The following JPH3 variants were observed in gnomAD, a reference collection of about 807,000 sequenced individuals.
The protein encoded by JPH3 is junctophilin 3.
A neutral mutation model predicts 59.6 loss-of-function variants in JPH3; 11 were observed. The observed-to-expected ratio is 0.18, with a 90% CI of 0.12 to 0.31. The LOEUF (loss-of-function observed/expected upper bound fraction) is 0.31. Ranked by LOEUF, JPH3 falls within the 10% of genes least tolerant of loss-of-function variation. The pLI is 1.00. For synonymous variants in JPH3, 673 were observed against 483.6 expected (o/e 1.39, Z -5.14); for missense variants, 1,202 against 1,105.7 (o/e 1.09, Z -1.24).
chr16:87,652,019 G>A (rs888449270), intron 2 of JPH3, among the ~76,000 whole-genome samples: 1 of 151,652 alleles, frequency 6.6e-6, no homozygotes, highest in Non-Finnish European at 1.5e-5. Context: ...CTGTTGCCCA[G>A]GCTGGAGTGC....
intron 2 of JPH3, among the ~76,000 whole-genome samples, chr16:87,659,309 G>A (rs1213340884): frequency 3.4e-5 from 5 of 147,820 alleles, no homozygotes; most frequent in Non-Finnish European, 5.9e-5. Flanking sequence ...CCCAGGAGGC[G>A]GAGGTTGCAC....
At chr16:87,636,668 C>T (rs825583) in intron 1 of JPH3, among the ~76,000 whole-genome samples, 151,060 of 152,290 alleles carry the variant, frequency 0.99, 74,934 homozygotes, top group Middle Eastern at 1. Context: ...CCTTTTCTTA[C>T]TGATATCAGT....
intron 2 of JPH3, among the ~76,000 whole-genome samples, chr16:87,664,551 G>C (rs1237292731): frequency 6.6e-6 from 1 of 152,082 alleles, no homozygotes; most frequent in Non-Finnish European, 1.5e-5. Context: ...CTTGAACCTG[G>C]GAGGCGGAGG....
At chr16:87,673,236 T>C (rs571367497) in intron 2 of JPH3, among the ~76,000 whole-genome samples, 2 of 150,168 alleles carry the variant, frequency 1.3e-5, no homozygotes, top group Non-Finnish European at 3.0e-5. Context: ...GAAAAAAAAA[T>C]CAACCGCACT....
intron 1 of JPH3, among the ~76,000 whole-genome samples, chr16:87,639,524 C>G (rs920849401): frequency 1.3e-5 from 2 of 152,154 alleles, no homozygotes; most frequent in African/African-American, 4.8e-5. Flanking sequence ...TCAACCGTCA[C>G]CAGAACTTTT....
intron 2 of JPH3, among the ~76,000 whole-genome samples, chr16:87,660,284 G>C (rs905959803): frequency 6.6e-6 from 1 of 152,168 alleles, no homozygotes; most frequent in African/African-American, 2.4e-5. Flanking sequence ...TTTCCCCAGA[G>C]CAGATGCTTT....
chr16:87,690,081 G>A lies in JPH3; in HGVS notation c.1721G>A (p.Arg574Gln), dbSNP rs767200310. Residue 574 changes from arginine (R) to glutamine (Q), a missense_variant, in exon 4 of 5, where the codon CGG (arginine) becomes CAG (glutamine). Transcript: ENST00000284262. The part of the protein sequence containing the change: ...KQPGNPKPRE[R>Q]RTESPPVFTW... ...CCCGGGAACCCCAAGCCGCGGGAGCGGCGGACGGAGTCACCCCCCGTGTTC... is the reference window on the plus strand; with the variant it reads ...CCCGGGAACCCCAAGCCGCGGGAGCAGCGGACGGAGTCACCCCCCGTGTTC... The A allele has an allele frequency of 3.2e-6, 5 of 1,572,312 alleles. No homozygotes were observed. The highest frequency in any genetic ancestry group is 2.4e-5 in the East Asian group (1 of 41,590).
At chr16:87,626,304 C>T (rs905301001) in intron 1 of JPH3, among the ~76,000 whole-genome samples, 2 of 152,168 alleles carry the variant, frequency 1.3e-5, no homozygotes, top group African/African-American at 4.8e-5. Context: ...CAGTTATCAC[C>T]ATGGAGCTGG....
At chr16:87,636,894 A>G (rs1597251280) in intron 1 of JPH3, among the ~76,000 whole-genome samples, 1 of 152,104 alleles carries the variant, frequency 6.6e-6, no homozygotes. Context: ...GATGTGACTG[A>G]CCTTCCCCGG....
Position 87,644,964 on chromosome 16 carries a change from G to C in JPH3, c.1089G>C (p.Val363=). The C allele has an allele frequency of 1.2e-6, 2 of 1,611,068 alleles. No homozygotes were observed. Among genetic ancestry groups the C allele is most frequent in the African/African-American group, 2.7e-5 (2 of 75,044 alleles). Residue 363 remains valine, a synonymous_variant, in exon 2 of 5, where the codon GTG becomes GTC. Transcript: ENST00000284262. ...GGGCCAGCAAGATCCGCGAGAAGGT[G>C]GACCGCGCCGTTGAGGCCGCTGAGC... ...PLRASKIREK[V]DRAVEAAERA... is the part of the protein sequence containing the mutation.
chr16:87,650,289 G>A (rs147053495), intron 2 of JPH3, among the ~76,000 whole-genome samples: 65 of 152,280 alleles, frequency 4.3e-4, no homozygotes, highest in African/African-American at 1.5e-3. Context: ...GTTATTTTGG[G>A]ATGCCACACA....
At chr16:87,668,659 C>T (rs1160182976) in intron 2 of JPH3, among the ~76,000 whole-genome samples, 1 of 152,192 alleles carries the variant, frequency 6.6e-6, no homozygotes, top group African/African-American at 2.4e-5. Flanking sequence ...TGTGCCTGCT[C>T]TTCTTGGCGG....
rs201403180 is a variant in JPH3 at position 87,690,326 on chromosome 16, C to T, written c.1966C>T (p.Arg656Trp). Residue 656 changes from arginine (R) to tryptophan (W), a missense_variant, in exon 4 of 5, where the codon CGG (arginine) becomes TGG (tryptophan). By Grantham distance (101) the Arg-to-Trp change is moderately radical. Coordinates refer to ENST00000284262, the MANE Select transcript of JPH3 (RefSeq NM_020655.4). The stretch of plus-strand genomic sequence containing the variant: ...CCGGGGCTTCGGGGTGCAGAGACTG[C>T]GGTCCAAGGCCCAGAACAAGGAGAA... ...EDRGFGVQRL[R>W]SKAQNKENFR... 1,063 of 1,586,642 alleles carry T rather than the reference C, an allele frequency of 6.7e-4. 2 individuals carry two copies. The highest frequency in any genetic ancestry group is 1.4e-3 in the South Asian group (119 of 87,466).
chr16:87,682,581 C>T (rs1488112328), intron 2 of JPH3, among the ~76,000 whole-genome samples: 1 of 152,162 alleles, frequency 6.6e-6, no homozygotes, highest in Non-Finnish European at 1.5e-5. Flanking sequence ...GAAAGTGGGT[C>T]CTCTGCAGAC....
At chr16:87,637,392 G>C (rs1567592292) in intron 1 of JPH3, among the ~76,000 whole-genome samples, 1 of 131,622 alleles carries the variant, frequency 7.6e-6, no homozygotes, top group Non-Finnish European at 1.6e-5. Context: ...TGTTATGGGG[G>C]AGAGAGAGAG....
Position 87,689,675 on chromosome 16 carries a change from ACCT to A in JPH3, c.1319_1321del (p.Ser440del). ...GGAGTACCAGAGGCCGAAGCGTCAG[ACCT>A]CCTGTGACGACATCGAGGTGCTGTC... On this transcript the variant is annotated inframe_deletion, in exon 4 of 5. Coordinates refer to ENST00000284262, the MANE Select transcript of JPH3 (RefSeq NM_020655.4). The A allele has an allele frequency of 6.2e-7, 1 of 1,612,048 alleles. No individual in the cohort carries two copies. Among genetic ancestry groups the A allele is most frequent in the Non-Finnish European group, 8.5e-7 (1 of 1,179,656 alleles).
intron 2 of JPH3, among the ~76,000 whole-genome samples, chr16:87,659,957 C>T (rs192245720): frequency 5.3e-5 from 8 of 152,272 alleles, no homozygotes; most frequent in Non-Finnish European, 7.4e-5. Context: ...GGCCCTGCTC[C>T]GTCCCTTCTG....
chr16:87,696,357 C>T (rs2033853313), intron 4 of JPH3: 2 of 585,962 alleles, frequency 3.4e-6, no homozygotes, highest in East Asian at 5.7e-5. Context: ...CCAGGACCAG[C>T]AACCTCAGAC....
chr16:87,645,707 AG>A (rs2032124470), intron 2 of JPH3, among the ~76,000 whole-genome samples: 1 of 151,902 alleles, frequency 6.6e-6, no homozygotes, highest in Non-Finnish European at 1.5e-5. Context: ...GGGTACCTTT[AG>A]GGGTGGGTGC....
Sources: gnomAD v4.1 joint callset for allele counts (sites outside exome capture counted in the v4.1 genomes callset) on GRCh38, gnomAD v4.1.1 for gene constraint, MANE v1.5 for transcripts, NCBI Gene and HGNC (gene_info 2026-07-23, HGNC 2026-07-21) for gene names.